The following COG3 variants were observed in gnomAD, a reference collection of about 807,000 sequenced individuals.
COG3 encodes component of oligomeric golgi complex 3.
COG3 carries 32 observed loss-of-function variants against 114.1 expected under a neutral mutation model. The observed-to-expected ratio is 0.28, with a 90% confidence interval of 0.21 to 0.38. The LOEUF is 0.38. Among genes scored for constraint, COG3 ranks in the 10% least tolerant of loss-of-function variants. The pLI, the probability that COG3 is intolerant of heterozygous loss-of-function variation, is 1.00. For missense variants in COG3, 813 were observed against 973.2 expected (o/e 0.84, Z 2.19); for synonymous variants, 352 against 365.7 (o/e 0.96, Z 0.43).
chr13:45,490,996 C>T (rs377103887), intron 9 of COG3, 38 bp downstream of exon 9: 180 of 1,394,260 alleles, frequency 1.3e-4, no homozygotes, highest in Admixed American at 2.8e-4. Flanking sequence ...CCACATGAAC[C>T]TTTGTCTTGT....
intron 12 of COG3, among the ~76,000 whole-genome samples, chr13:45,494,260 G>A (rs909578241): frequency 2.6e-5 from 4 of 151,256 alleles, no homozygotes; most frequent in African/African-American, 4.9e-5. Flanking sequence ...GGGAGGGGGA[G>A]GTTGCAGTGA....
At chr13:45,502,459 T>G (rs1869641502) in intron 13 of COG3, among the ~76,000 whole-genome samples, 2 of 152,264 alleles carry the variant, frequency 1.3e-5, no homozygotes, top group South Asian at 2.1e-4. Context: ...GTAAATATGC[T>G]TACTGTGATT....
chr13:45,497,416 A>G (rs1868932717), intron 13 of COG3, among the ~76,000 whole-genome samples: 1 of 152,232 alleles, frequency 6.6e-6, no homozygotes, highest in Non-Finnish European at 1.5e-5. Context: ...CAGCTTCAAC[A>G]TGGCTAGACT....
At chr13:45,514,872 T>C (rs1044449501) in intron 16 of COG3, among the ~76,000 whole-genome samples, 6 of 151,672 alleles carry the variant, frequency 4.0e-5, no homozygotes, top group African/African-American at 1.5e-4. Flanking sequence ...GGTTTCTCTG[T>C]CTCCTTACCT....
At chr13:45,508,682 T>C (rs965474046) in intron 14 of COG3, among the ~76,000 whole-genome samples, 1 of 152,220 alleles carries the variant, frequency 6.6e-6, no homozygotes, top group Non-Finnish European at 1.5e-5. Flanking sequence ...CAAAGTATTA[T>C]ACCAGCTCCA....
intron 14 of COG3, among the ~76,000 whole-genome samples, chr13:45,505,054 G>T (rs896324596): frequency 8.6e-5 from 13 of 151,850 alleles, no homozygotes; most frequent in Non-Finnish European, 1.8e-4. Context: ...AGGCGTGGCT[G>T]CATGCGCCTG....
rs774362382 is a variant in COG3, at chr13:45,529,810, G to A, written c.2250G>A (p.Ala750=). ...TTCCAGCAAAGGTCAATGACCTTGC[G>A]GCAACTGCATATAAGACAATAAAAA... is the stretch of plus-strand genomic sequence containing the variant. ...WAQPAKVNDL[A]ATAYKTIKTK... Residue 750 remains alanine (A), a synonymous_variant, in exon 21 of 23, where the codon GCG becomes GCA. Coordinates refer to ENST00000349995, the MANE Select transcript of COG3 (RefSeq NM_031431.4). 35 of 1,611,828 alleles carry A rather than the reference G, an allele frequency of 2.2e-5. No homozygotes were observed. Among genetic ancestry groups the A allele is most frequent in the African/African-American group, 2.7e-5 (2 of 74,764 alleles).
At chr13:45,477,643 T>G (rs939804643) in intron 2 of COG3, among the ~76,000 whole-genome samples, 10 of 151,938 alleles carry the variant, frequency 6.6e-5, no homozygotes, top group Non-Finnish European at 1.3e-4. Flanking sequence ...TTTTTTTTTT[T>G]TTGAGATGGA....
rs142566934 is a variant in COG3, at chr13:45,490,655, AAAC to A, written c.925-258_925-256del. Among the ~76,000 whole-genome samples the A allele has an allele frequency of 6.5e-3, 983 of 152,246 alleles. 12 individuals are homozygous for A. The highest frequency in any genetic ancestry group is 0.022 in the African/African-American group (911 of 41,526). ...TTATGAAATAATGTTAATTTTTAAAAAACAGATTATAAAGCAGAATATGTAGTA... is the reference window on the plus strand; with the variant it reads ...TTATGAAATAATGTTAATTTTTAAAAAGATTATAAAGCAGAATATGTAGTA... On this transcript the variant is annotated intron_variant, in intron 8 of 22. Coordinates refer to ENST00000349995, the MANE Select transcript of COG3 (RefSeq NM_031431.4).
chr13:45,530,295 T>G (rs1355907400), intron 21 of COG3, among the ~76,000 whole-genome samples: 1 of 152,224 alleles, frequency 6.6e-6, no homozygotes, highest in Non-Finnish European at 1.5e-5. Context: ...GGATTAAATG[T>G]CAGAGCAAAT....
intron 4 of COG3, 43 bp from the exon 5 acceptor site, chr13:45,481,187 A>T: frequency 9.3e-7 from 1 of 1,073,616 alleles, no homozygotes; most frequent in Non-Finnish European, 1.4e-6. Flanking sequence ...GTTGATTCTT[A>T]TATTCTTATA....
Position 45,535,950 on chromosome 13 carries a change from G to A in COG3, c.*1219G>A, listed in dbSNP as rs1566278897. The A allele has an allele frequency of 1.1e-6, 1 of 920,968 alleles. No individual in the cohort carries two copies. The highest frequency in any genetic ancestry group is 1.8e-5 in the African/African-American group (1 of 56,146). 57.0% of individuals were successfully genotyped at this position (920,968 alleles called of 1,614,324 possible). On this transcript the variant is annotated 3_prime_UTR_variant, in exon 23 of 23. Coordinates refer to ENST00000349995, the MANE Select transcript of COG3 (RefSeq NM_031431.4). ...TGTCAGGGGTTCTGGAATGGGACCA[G>A]GGGACCTTTTGGTGCAGTGGGTGCC... is the stretch of plus-strand genomic sequence containing the variant.
intron 13 of COG3, among the ~76,000 whole-genome samples, chr13:45,499,203 T>C (rs1051583189): frequency 4.6e-5 from 7 of 152,128 alleles, no homozygotes; most frequent in Non-Finnish European, 1.0e-4. Flanking sequence ...TATTCATGTT[T>C]CCAGTCTCAC....
In COG3 at chr13:45,480,127, A is replaced by C. The variant is rs777351198; in HGVS notation, c.386A>C (p.Gln129Pro). 9 of 1,608,248 alleles carry C rather than the reference A, an allele frequency of 5.6e-6. No homozygotes were observed. The African/African-American group carries it at 1.2e-4, about 21-fold the overall frequency. ...MDQDEGTKYR[Q>P]MRDYLSGFQE... ...CCCCTTTTGGTTCTGTTTTCTAGAC[A>C]GATGAGGGATTACTTGTCTGGGTTT... Residue 129 changes from glutamine (Q) to proline (P), a missense_variant and splice_region_variant, in exon 4 of 23, where the codon CAG becomes CCG. Physicochemically the swap from Gln to Pro is moderately conservative, Grantham distance 76. Coordinates refer to ENST00000349995, the MANE Select transcript of COG3 (RefSeq NM_031431.4).
intron 8 of COG3, among the ~76,000 whole-genome samples, chr13:45,489,700 A>G (rs1399386416): frequency 6.6e-6 from 1 of 152,204 alleles, no homozygotes; most frequent in Non-Finnish European, 1.5e-5. Flanking sequence ...AAATTATAAA[A>G]GACTGAGTAA....
intron 6 of COG3, among the ~76,000 whole-genome samples, chr13:45,482,994 T>G (rs1254720957): frequency 6.6e-6 from 1 of 152,240 alleles, no homozygotes; most frequent in Non-Finnish European, 1.5e-5. Context: ...TGAAAATATC[T>G]TTTACTAACA....
At chr13:45,487,948 C>T (rs906689065) in intron 8 of COG3, among the ~76,000 whole-genome samples, 3 of 152,040 alleles carry the variant, frequency 2.0e-5, no homozygotes, top group Non-Finnish European at 2.9e-5. Flanking sequence ...CAGCACTATT[C>T]GCAATAGTAA....
rs141946000 is a variant in COG3 at position 45,511,836 on chromosome 13, G to A, written c.1791G>A (p.Glu597=). The A allele has an allele frequency of 2.1e-5, 34 of 1,613,640 alleles. No individual in the cohort carries two copies. The highest frequency in any genetic ancestry group is 2.8e-5 in the Non-Finnish European group (33 of 1,179,686). ...ACIQSLLGAS[E]SISKNKTQID... ...TTCAGTCCTTACTTGGAGCGTCAGAGTCTATCAGCAAAAACAAGGTTTGAT... is the reference window on the plus strand; with the variant it reads ...TTCAGTCCTTACTTGGAGCGTCAGAATCTATCAGCAAAAACAAGGTTTGAT... Residue 597 remains glutamate (E), a synonymous_variant, in exon 16 of 23, where the codon GAG becomes GAA. Transcript: ENST00000349995.
At chr13:45,529,961 A>AAGT in intron 21 of COG3, 43 bp downstream of exon 21, 3 of 1,570,618 alleles carry the variant, frequency 1.9e-6, no homozygotes, top group Non-Finnish European at 2.6e-6. Flanking sequence ...GGGTGACTTC[A>AAGT]AGTATTCTTT....
Sources: gnomAD v4.1 joint callset for allele counts (sites outside exome capture counted in the v4.1 genomes callset) on GRCh38, gnomAD v4.1.1 for gene constraint, MANE v1.5 for transcripts, NCBI Gene and HGNC (gene_info 2026-07-23, HGNC 2026-07-21) for gene names.